The following CDC42BPG variants were observed in gnomAD, a reference collection of about 807,000 sequenced individuals.
CDC42BPG encodes serine/threonine-protein kinase MRCK gamma.
A neutral mutation model predicts 192.2 loss-of-function variants in CDC42BPG; 157 were observed. That is an observed-to-expected ratio of 0.82 (90% CI 0.72 to 0.93). CDC42BPG has a LOEUF of 0.93. Ranked by LOEUF, CDC42BPG falls within the 40% of genes least tolerant of loss-of-function variation. CDC42BPG has a pLI of 0.00. For missense variants in CDC42BPG, 1,992 were observed against 2,122.1 expected, an observed-to-expected ratio of 0.94 and a Z score of 1.20; for synonymous variants, 981 against 918.5, an observed-to-expected ratio of 1.07 and a Z score of -1.23.
intron 3 of CDC42BPG, 61 bp downstream of exon 3, chr11:64,841,589 C>G: frequency 7.1e-7 from 1 of 1,403,746 alleles, no homozygotes; most frequent in Non-Finnish European, 1.0e-6. Context: ...GCCCTGGCAG[C>G]ATACACCTCC....
intron 4 of CDC42BPG, 71 bp from the exon 5 acceptor site, chr11:64,840,339 G>T: frequency 6.4e-7 from 1 of 1,562,864 alleles, no homozygotes; most frequent in Non-Finnish European, 8.7e-7. Flanking sequence ...GTCCCGCAGG[G>T]CTCTGGGAAG....
intron 11 of CDC42BPG, 28 bp downstream of exon 11, chr11:64,836,711 G>GGGGA (rs1555173140): frequency 1.6e-6 from 1 of 608,686 alleles, no homozygotes; most frequent in Non-Finnish European, 2.5e-6. Context: ...AGCCCTGGGG[G>GGGGA]GGGGGGGGGG....
At chr11:64,829,425 C>T (rs1468331497) in intron 30 of CDC42BPG, 46 bp downstream of exon 30, 1 of 1,588,620 alleles carries the variant, frequency 6.3e-7, no homozygotes. Context: ...TTCACCCACC[C>T]ACTGAAGGTG....
Position 64,832,416 on chromosome 11 carries a change from C to G in CDC42BPG, c.3087+12G>C, listed in dbSNP as rs930891167. On this transcript the variant is annotated intron_variant, in intron 27 of 36. Transcript: ENST00000342711. ...TGGATGGTGGCTGCTCCATCTCATC[C>G]CAGGCACTCACCCTAAAGATGCGTG... 6.2e-7 allele frequency: 1 copy of G among 1,612,310 alleles called. No individual in the cohort carries two copies. The highest frequency in any genetic ancestry group is 1.3e-5 in the African/African-American group (1 of 74,904).
intron 21 of CDC42BPG, 32 bp downstream of exon 21, chr11:64,833,893 C>T: frequency 6.2e-7 from 1 of 1,614,246 alleles, no homozygotes; most frequent in South Asian, 1.1e-5. Flanking sequence ...CCCAGAACTT[C>T]TCCCCAACAA....
In CDC42BPG at chr11:64,831,592, G is replaced by A; in HGVS notation, c.3217C>T (p.Pro1073Ser). The A allele has an allele frequency of 1.2e-6, 2 of 1,612,258 alleles. No homozygotes were observed. Among genetic ancestry groups the A allele is most frequent in the Non-Finnish European group, 1.7e-6 (2 of 1,179,898 alleles). ...AGTGTGTACACGGGCCGGGGTCTTG[G>A]CCGCGCGTCCAGCAGCAGCCGCTGC... ...ELQRLLLDARPRPRPVYTLKE... is the reference protein window; with the variant it reads ...ELQRLLLDARSRPRPVYTLKE... The change falls in exon 28 of 37, where the codon CCA becomes TCA. Residue 1073 changes from proline (P) to serine (S), a missense_variant. Pro to Ser is a moderately conservative substitution (Grantham distance 74). Coordinates refer to ENST00000342711, the MANE Select transcript of CDC42BPG (RefSeq NM_017525.3).
At chr11:64,824,551 G>C (rs1942347617) in intron 36 of CDC42BPG, 22 bp from the exon 37 acceptor site, 1 of 1,575,694 alleles carries the variant, frequency 6.3e-7, no homozygotes, top group Admixed American at 1.7e-5. Context: ...AGAAAAGGAA[G>C]TCAAGGGGTA....
Position 64,840,589 on chromosome 11 carries a change from G to A in CDC42BPG, c.396C>T (p.Thr132=), listed in dbSNP as rs1346881753. ...VLVKGDSRWV[T]TLHYAFQDEE... Reference sequence around the variant, plus strand: ...CGTCTTGGAAGGCATAGTGCAGAGTGGTCACCCAACGGCTGTCCCCTTTCA... The same window carrying A: ...CGTCTTGGAAGGCATAGTGCAGAGTAGTCACCCAACGGCTGTCCCCTTTCA... Residue 132 remains threonine (T), a synonymous_variant, in exon 4 of 37, where the codon ACC becomes ACT. Coordinates refer to ENST00000342711, the MANE Select transcript of CDC42BPG (RefSeq NM_017525.3). The A allele has an allele frequency of 1.2e-6, 2 of 1,613,984 alleles. No individual in the cohort carries two copies. Among genetic ancestry groups the A allele is most frequent in the Admixed American group, 1.7e-5 (1 of 60,024 alleles).
chr11:64,828,043 C>A (rs754210976), intron 30 of CDC42BPG, among the ~76,000 whole-genome samples: 1 of 152,154 alleles, frequency 6.6e-6, no homozygotes, highest in Non-Finnish European at 1.5e-5. Context: ...CTGTTATAAT[C>A]CCTAATTTCC....
At chr11:64,837,975 G>A in intron 9 of CDC42BPG, 108 bp downstream of exon 9, 1 of 916,764 alleles carries the variant, frequency 1.1e-6, no homozygotes, top group Non-Finnish European at 1.7e-6. Context: ...GCAGATACTG[G>A]GGAGCCCTTC....
At chr11:64,843,651 C>T (rs1943378126) in intron 1 of CDC42BPG, among the ~76,000 whole-genome samples, 1 of 152,220 alleles carries the variant, frequency 6.6e-6, no homozygotes, top group Non-Finnish European at 1.5e-5. Context: ...CAGCTGGCGC[C>T]AGTGCCCACA....
In CDC42BPG at chr11:64,837,070, G is replaced by C. The variant is rs577965100; in HGVS notation, c.1206-51C>G. The C allele has an allele frequency of 3.6e-6, 5 of 1,395,048 alleles. No individual in the cohort carries two copies. In the Admixed American group the frequency reaches 8.4e-5, roughly 23 times the overall value. The allele number at this position is 1,395,048 out of a possible 1,614,324, so 86.4% of individuals were successfully genotyped here. The stretch of plus-strand genomic sequence containing the variant: ...GTTGGTAGAAACCTCACCCCACAGA[G>C]TCTCCTCCATCCTCCTGGACCGAAT... On this transcript the variant is annotated intron_variant, in intron 9 of 36. Coordinates refer to ENST00000342711, the MANE Select transcript of CDC42BPG (RefSeq NM_017525.3).
chr11:64,829,323 G>A (rs1942573478), intron 30 of CDC42BPG, 148 bp downstream of exon 30: 1 of 976,600 alleles, frequency 1.0e-6, no homozygotes, highest in Admixed American at 2.8e-5. Flanking sequence ...GCAAGCCACA[G>A]AGGGTGGGAC....
At position 64,840,237 on chromosome 11, in the gene CDC42BPG, T is replaced by C; in HGVS notation, c.464A>G (p.Asp155Gly). 1.2e-6 allele frequency: 2 copies of C among 1,612,232 alleles called. No individual in the cohort carries two copies. The highest frequency in any genetic ancestry group is 1.7e-6 in the Non-Finnish European group (2 of 1,179,898). The change falls in exon 5 of 37, where the codon GAC becomes GGC. Residue 155 changes from aspartate (D) to glycine (G), a missense_variant. By Grantham distance (94) the Asp-to-Gly change is moderately conservative. Around this residue, in one of 2 missense-constraint regions of CDC42BPG, gnomAD observed 1,656 missense variants for 1,844.3 expected, o/e 0.90. Transcript: ENST00000342711. ...YLVMDYYAGG[D>G]LLTLLSRFED... ...GAAGCGGCTCAGCAGCGTCAGGAGG[T>C]CCCCACCAGCATAGTAGTCCATCAC...
chr11:64,839,408 G>A, intron 6 of CDC42BPG, 70 bp downstream of exon 6: 1 of 1,537,626 alleles, frequency 6.5e-7, no homozygotes, highest in South Asian at 1.2e-5. Flanking sequence ...CTAGGCCTGG[G>A]GCCTCCCATT....
intron 5 of CDC42BPG, among the ~76,000 whole-genome samples, 178 bp from the exon 6 acceptor site, chr11:64,839,749 GGAGGAA>G (rs1943197098): frequency 6.6e-6 from 1 of 152,112 alleles, no homozygotes; most frequent in Non-Finnish European, 1.5e-5. Context: ...CAGGCCAGAA[GGAGGAA>G]GATGGCTAGA....
intron 4 of CDC42BPG, 30 bp downstream of exon 4, chr11:64,840,523 T>C (rs1485930421): frequency 2.5e-6 from 4 of 1,604,634 alleles, no homozygotes; most frequent in Non-Finnish European, 3.4e-6. Context: ...CCCTAGGATG[T>C]TCCCCTCCAG....
At position 64,838,791 on chromosome 11, in the gene CDC42BPG, C is replaced by A; in HGVS notation, c.988G>T (p.Asp330Tyr). The A allele has an allele frequency of 6.2e-7, 1 of 1,612,886 alleles. No homozygotes were observed. The highest frequency in any genetic ancestry group is 1.1e-5 in the South Asian group (1 of 91,080). The change falls in exon 8 of 37, where the codon GAC becomes TAC. Residue 330 changes from aspartate to tyrosine, a missense_variant. Physicochemically the swap from Asp to Tyr is radical, Grantham distance 160. Around this residue, in one of 2 missense-constraint regions of CDC42BPG, gnomAD observed 1,656 missense variants for 1,844.3 expected, o/e 0.90. Coordinates refer to ENST00000342711, the MANE Select transcript of CDC42BPG (RefSeq NM_017525.3). ...TCGAAGAAAGGATGGTTCCGGAAGT[C>A]ATCCAGCCCACCACGGCCTAGCCGC... The part of the protein sequence containing the change: ...EERLGRGGLD[D>Y]FRNHPFFEGV...
Position 64,831,490 on chromosome 11 carries a change from C to T in CDC42BPG, c.3304+15G>A, listed in dbSNP as rs1942685198. The stretch of plus-strand genomic sequence containing the variant: ...AGGCCTGAACTGCTTCCTCCAGTCC[C>T]CTCCACCAGCTCACCGAGGATGGCA... On this transcript the variant is annotated intron_variant, in intron 28 of 36. Transcript: ENST00000342711. The T allele has an allele frequency of 2.5e-6, 4 of 1,600,474 alleles. No homozygotes were observed. Among genetic ancestry groups the T allele is most frequent in the Admixed American group, 1.7e-5 (1 of 59,692 alleles).
Sources: allele counts gnomAD v4.1 joint callset (sites outside exome capture counted in the v4.1 genomes callset), GRCh38; gene constraint gnomAD v4.1.1; regional missense constraint gnomAD v4.1.1; transcripts MANE v1.5; gene names NCBI Gene and HGNC (gene_info 2026-07-23, HGNC 2026-07-21).